The following DEFB135 variants were observed in gnomAD, a reference collection of about 807,000 sequenced individuals.
DEFB135 encodes defensin beta 135.
Under a neutral mutation model 8.9 loss-of-function variants are expected in DEFB135, and 14 were observed. The ratio of observed to expected loss-of-function variants is 1.58; its 90% CI spans 1.04 to 2.47. The LOEUF (loss-of-function observed/expected upper bound fraction) is 2.47, where lower values mean the gene tolerates loss of function less well. Among genes scored for constraint, DEFB135 ranks in the 30% most tolerant of loss-of-function variants. The pLI is 0.00. For missense variants in DEFB135, 135 were observed against 94.2 expected, an observed-to-expected ratio of 1.43 and a Z score of -1.79; for synonymous variants, 51 against 34.5, an observed-to-expected ratio of 1.48 and a Z score of -1.67.
At position 11,982,395 on chromosome 8, in the gene DEFB135, G is replaced by A. The variant is rs749997823; in HGVS notation, c.64+11G>A. The A allele has an allele frequency of 1.2e-6, 2 of 1,613,982 alleles. No homozygotes were observed. On this transcript the variant is annotated intron_variant, in intron 1 of 1. Coordinates refer to ENST00000382208, the MANE Select transcript of DEFB135 (RefSeq NM_001033017.3). ...TCTATGTTCCACCAGGTAAAATGGAGTCCCCACCTTGTAGAATTAGGAATA... is the reference window on the plus strand; with the variant it reads ...TCTATGTTCCACCAGGTAAAATGGAATCCCCACCTTGTAGAATTAGGAATA...
chr8:11,982,834 G>C (rs756401851), intron 1 of DEFB135, among the ~76,000 whole-genome samples: 17 of 152,196 alleles, frequency 1.1e-4, no homozygotes, highest in Non-Finnish European at 1.9e-4. Flanking sequence ...AGAATCCACA[G>C]ACACAGCTGG....
rs1018843434 is a variant in DEFB135 at position 11,984,318 on chromosome 8, C to T, written c.65-103C>T. ...TGAGTATCTTTGATCGCGTCTAATT[C>T]ATTATTAAAAAGTGAAAACTATGGT... On this transcript the variant is annotated intron_variant, in intron 1 of 1. Transcript: ENST00000382208. 26 of 928,284 alleles carry T rather than the reference C, an allele frequency of 2.8e-5. No homozygotes were observed. The South Asian group carries it at 8.5e-4, about 30-fold the overall frequency. The allele number at this position is 928,284 out of a possible 1,614,324, so 57.5% of individuals were successfully genotyped here.
At chr8:11,983,961 G>C (rs1489394002) in intron 1 of DEFB135, among the ~76,000 whole-genome samples, 2 of 152,102 alleles carry the variant, frequency 1.3e-5, no homozygotes, top group South Asian at 2.1e-4. Context: ...GGGGAATACA[G>C]GGGTAGAAGT....
Position 11,982,284 on chromosome 8 carries a change from T to G in DEFB135, c.-37T>G, listed in dbSNP as rs774736015. The G allele has an allele frequency of 6.2e-7, 1 of 1,613,178 alleles. No homozygotes were observed. The highest frequency in any genetic ancestry group is 1.7e-5 in the Admixed American group (1 of 60,010). ...TCTTCAAAGCTGCGGAGAGAGTGAC[T>G]CTCCGATGAGTCACAGCTGCTTCTT... On this transcript the variant is annotated 5_prime_UTR_variant, in exon 1 of 2. Transcript: ENST00000382208.
At position 11,984,406 on chromosome 8, in the gene DEFB135, T is replaced by C. The variant is rs1225664325; in HGVS notation, c.65-15T>C. ...AGGACACTAACTGTGCATTAACCTTTGTTTCTCTTGGCAGGTAGAAGTGGA... is the reference window on the plus strand; with the variant it reads ...AGGACACTAACTGTGCATTAACCTTCGTTTCTCTTGGCAGGTAGAAGTGGA... On this transcript the variant is annotated splice_polypyrimidine_tract_variant and intron_variant, in intron 1 of 1. Transcript: ENST00000382208. 2 of 1,510,136 alleles carry C rather than the reference T, an allele frequency of 1.3e-6. No homozygotes were observed. The highest frequency in any genetic ancestry group is 1.4e-5 in the African/African-American group (1 of 72,606). 93.5% of individuals were successfully genotyped at this position (1,510,136 alleles called of 1,614,324 possible).
intron 1 of DEFB135, 87 bp downstream of exon 1, chr8:11,982,471 C>G (rs1799753716): frequency 1.3e-6 from 2 of 1,494,978 alleles, no homozygotes; most frequent in South Asian, 2.3e-5. Context: ...AAAGGCAGGA[C>G]TTGGACAAAG....
At chr8:11,983,938 G>A (rs1799795039) in intron 1 of DEFB135, among the ~76,000 whole-genome samples, 1 of 152,102 alleles carries the variant, frequency 6.6e-6, no homozygotes, top group African/African-American at 2.4e-5. Context: ...AAAAAGTCAT[G>A]CAGAATGTTT....
chr8:11,983,641 G>A (rs905895143), intron 1 of DEFB135, among the ~76,000 whole-genome samples: 10 of 152,084 alleles, frequency 6.6e-5, no homozygotes, highest in African/African-American at 2.4e-4. Flanking sequence ...TGGACTCATG[G>A]GGGCACCTGG....
chr8:11,982,866 T>G lies in DEFB135; in HGVS notation c.64+482T>G, dbSNP rs542586103. Reference sequence around the variant, plus strand: ...CTGGTTAAGATGTATTACACTAACTTATAGCATGATGAGGTCCTATGAAAC... The same window carrying G: ...CTGGTTAAGATGTATTACACTAACTGATAGCATGATGAGGTCCTATGAAAC... On this transcript the variant is annotated intron_variant, in intron 1 of 1. Coordinates refer to ENST00000382208, the MANE Select transcript of DEFB135 (RefSeq NM_001033017.3). 3.7e-4 allele frequency among the ~76,000 whole-genome samples: 57 copies of G among 152,310 alleles called. No individual in the cohort carries two copies. In the South Asian group the frequency reaches 0.011, roughly 29 times the overall value.
At chr8:11,983,752 C>T (rs1799791285) in intron 1 of DEFB135, among the ~76,000 whole-genome samples, 1 of 152,154 alleles carries the variant, frequency 6.6e-6, no homozygotes, top group South Asian at 2.1e-4. Context: ...ATTACCCCTC[C>T]TCCACCCTCT....
At position 11,982,259 on chromosome 8, in the gene DEFB135, T is replaced by C; in HGVS notation, c.-62T>C. On this transcript the variant is annotated 5_prime_UTR_variant, in exon 1 of 2. Transcript: ENST00000382208. ...TTCACTAGCCATGCAGCTCCCCGTC[T>C]CTTCAAAGCTGCGGAGAGAGTGACT... The C allele has an allele frequency of 6.3e-7, 1 of 1,587,548 alleles. No individual in the cohort carries two copies. Among genetic ancestry groups the C allele is most frequent in the Non-Finnish European group, 8.6e-7 (1 of 1,158,130 alleles).
chr8:11,983,559 G>C (rs1191251852), intron 1 of DEFB135, among the ~76,000 whole-genome samples: 1 of 152,078 alleles, frequency 6.6e-6, no homozygotes, highest in Non-Finnish European at 1.5e-5. Context: ...AGCACATGGT[G>C]GGCAAGTTTG....
At chr8:11,982,415 G>A (rs753281116) in intron 1 of DEFB135, 31 bp downstream of exon 1, 1 of 1,612,758 alleles carries the variant, frequency 6.2e-7, no homozygotes, top group Non-Finnish European at 8.5e-7. Flanking sequence ...TGTAGAATTA[G>A]GAATAGTAAA....
rs781128782 is a variant in DEFB135 at position 11,984,522 on chromosome 8, A to G, written c.166A>G (p.Ile56Val). Residue 56 changes from isoleucine to valine, a missense_variant, in exon 2 of 2, where the codon ATT (isoleucine) becomes GTT (valine). Transcript: ENST00000382208. Reference protein sequence around the residue: ...PKCLKNEQYRILCDTIHLCCV... With the variant: ...PKCLKNEQYRVLCDTIHLCCV... ...ATGTCTAAAAAACGAACAATATCGT[A>G]TTTTGTGTGATACTATACATTTGTG... 3.8e-5 allele frequency: 61 copies of G among 1,586,462 alleles called. No individual in the cohort carries two copies. The highest frequency in any genetic ancestry group is 1.7e-4 in the Middle Eastern group (1 of 5,996).
At position 11,982,377 on chromosome 8, in the gene DEFB135, T is replaced by C. The variant is rs771258699; in HGVS notation, c.57T>C (p.Val19=). The change falls in exon 1 of 2, where the codon GTT becomes GTC. Residue 19 remains valine (V), a synonymous_variant. Coordinates refer to ENST00000382208, the MANE Select transcript of DEFB135 (RefSeq NM_001033017.3). The part of the protein sequence containing the change: ...ALVVLNLLFY[V]PPGRSGPNVY... ...TGGTCCTTAACTTACTCTTCTATGTTCCACCAGGTAAAATGGAGTCCCCAC... is the reference window on the plus strand; with the variant it reads ...TGGTCCTTAACTTACTCTTCTATGTCCCACCAGGTAAAATGGAGTCCCCAC... 6.2e-7 allele frequency: 1 copy of C among 1,614,118 alleles called. No individual in the cohort carries two copies.
At position 11,984,470 on chromosome 8, in the gene DEFB135, G is replaced by A; in HGVS notation, c.114G>A (p.Trp38Ter). Residue 38 changes from tryptophan (W) to a stop codon, truncating the protein, a stop_gained, in exon 2 of 2, where the codon TGG becomes TGA. Transcript: ENST00000382208. LOFTEE classifies it high-confidence loss of function. ...TACAAAAAATCTTTGCTTCATGTTG[G>A]CGACTGCAAGGTACTTGCCGGCCAA... ...VYIQKIFASC[W>*]RLQGTCRPKC... The A allele has an allele frequency of 6.4e-7, 1 of 1,571,444 alleles. No individual in the cohort carries two copies. Among genetic ancestry groups the A allele is most frequent in the Non-Finnish European group, 8.7e-7 (1 of 1,149,742 alleles).
intron 1 of DEFB135, among the ~76,000 whole-genome samples, chr8:11,983,606 T>G (rs1455207951): frequency 6.6e-6 from 1 of 151,948 alleles, no homozygotes; most frequent in Non-Finnish European, 1.5e-5. Flanking sequence ...CATTGATTAT[T>G]TTCACACCAC....
chr8:11,982,718 T>C (rs1009663384), intron 1 of DEFB135, among the ~76,000 whole-genome samples: 1 of 152,176 alleles, frequency 6.6e-6, no homozygotes, highest in Non-Finnish European at 1.5e-5. Flanking sequence ...GACTTGGGGA[T>C]GAGAAGGAGA....
chr8:11,983,645 C>G (rs576645644), intron 1 of DEFB135, among the ~76,000 whole-genome samples: 31 of 152,234 alleles, frequency 2.0e-4, no homozygotes, highest in Middle Eastern at 3.4e-3. Flanking sequence ...CTCATGGGGG[C>G]ACCTGGGTGG....
Sources: gnomAD v4.1 joint callset for allele counts (sites outside exome capture counted in the v4.1 genomes callset) on GRCh38, gnomAD v4.1.1 for gene constraint, MANE v1.5 for transcripts, NCBI Gene and HGNC (gene_info 2026-07-23, HGNC 2026-07-21) for gene names.